PTPRD: variants seen among roughly 807,000 people sequenced by gnomAD.
The protein encoded by PTPRD is receptor-type tyrosine-protein phosphatase delta.
In PTPRD, 34 loss-of-function variants were observed where a neutral mutation model predicts 214.5. The observed-to-expected ratio is 0.16, with a 90% CI of 0.12 to 0.21. PTPRD has a LOEUF of 0.21. Among genes scored for constraint, PTPRD ranks in the 10% least tolerant of loss-of-function variants. The probability of loss-of-function intolerance (pLI) is 1.00; values close to 1 mark genes in which losing one functional copy is unlikely to be tolerated. For synonymous variants in PTPRD, 1,128 were observed against 845.7 expected, an observed-to-expected ratio of 1.33 and a Z score of -5.79; for missense variants, 2,545 against 2,398.7, an observed-to-expected ratio of 1.06 and a Z score of -1.27.
intron 4 of PTPRD, among the ~76,000 whole-genome samples, chr9:10,019,798 G>A (rs1194336534): frequency 6.6e-6 from 1 of 151,964 alleles, no homozygotes; most frequent in African/African-American, 2.4e-5. Context: ...GGAGCTGGGA[G>A]GGATAGCATT....
At chr9:9,240,758 T>C (rs2099969976) in intron 9 of PTPRD, among the ~76,000 whole-genome samples, 1 of 152,196 alleles carries the variant, frequency 6.6e-6, no homozygotes, top group African/African-American at 2.4e-5. Context: ...TAGAAGTCTA[T>C]ACTTCTAATA....
intron 3 of PTPRD, among the ~76,000 whole-genome samples, chr9:10,136,418 C>T (rs914736822): frequency 2.6e-5 from 4 of 152,052 alleles, no homozygotes; most frequent in South Asian, 2.1e-4. Context: ...ACCTAACAAC[C>T]GCAAAGTACA....
chr9:8,981,781 T>C (rs982533532), intron 11 of PTPRD, among the ~76,000 whole-genome samples: 4 of 151,976 alleles, frequency 2.6e-5, no homozygotes, highest in Non-Finnish European at 4.4e-5. Context: ...CAAAATACTA[T>C]GCAAAAAGGC....
intron 9 of PTPRD, among the ~76,000 whole-genome samples, chr9:9,370,104 C>T (rs369266868): frequency 3.3e-5 from 5 of 151,716 alleles, no homozygotes; most frequent in African/African-American, 9.7e-5. Flanking sequence ...GCTCTTTTTT[C>T]GTTCCATATG....
intron 2 of PTPRD, among the ~76,000 whole-genome samples, chr9:10,552,511 C>G (rs544074143): frequency 6.2e-4 from 94 of 152,090 alleles, no homozygotes; most frequent in African/African-American, 2.1e-3. Context: ...TGTCTTGACC[C>G]TTTTGTTAAG....
intron 11 of PTPRD, among the ~76,000 whole-genome samples, chr9:8,839,369 A>T (rs1377666563): frequency 1.3e-5 from 2 of 152,080 alleles, no homozygotes; most frequent in Non-Finnish European, 2.9e-5. Flanking sequence ...TCTGTCACCC[A>T]GGCTGGAGCG....
At chr9:8,733,651 G>C (rs1598290898) in intron 12 of PTPRD, 129 bp downstream of exon 12, 4 of 918,098 alleles carry the variant, frequency 4.4e-6, no homozygotes, top group Non-Finnish European at 6.8e-6. Flanking sequence ...GGTAGCCAAG[G>C]AGGATCCCGC....
chr9:9,806,311 G>A (rs1013530461), intron 5 of PTPRD, among the ~76,000 whole-genome samples: 6 of 151,998 alleles, frequency 3.9e-5, no homozygotes, highest in African/African-American at 1.5e-4. Context: ...TAGAAAACAC[G>A]TGAAGCTGGT....
At chr9:10,598,718 G>C (rs1172637847) in intron 2 of PTPRD, among the ~76,000 whole-genome samples, 2 of 142,588 alleles carry the variant, frequency 1.4e-5, no homozygotes, top group Non-Finnish European at 3.1e-5. Flanking sequence ...TGTGGTGTGT[G>C]TGTGTGTGTG....
chr9:10,113,968 T>C (rs1268495861), intron 3 of PTPRD, among the ~76,000 whole-genome samples: 1 of 152,168 alleles, frequency 6.6e-6, no homozygotes, highest in African/African-American at 2.4e-5. Context: ...AAATGAAAAT[T>C]CCAGTGTCTA....
intron 7 of PTPRD, among the ~76,000 whole-genome samples, chr9:9,593,531 A>T (rs554399956): frequency 2.2e-3 from 340 of 152,138 alleles, no homozygotes; most frequent in African/African-American, 7.7e-3. Flanking sequence ...AACTCCTGAT[A>T]AAAAATGTTA....
At chr9:9,577,075 G>A (rs1299125176) in intron 7 of PTPRD, among the ~76,000 whole-genome samples, 1 of 152,046 alleles carries the variant, frequency 6.6e-6, no homozygotes, top group Non-Finnish European at 1.5e-5. Context: ...GTAAGTCATG[G>A]CTCATACTTA....
In PTPRD at chr9:8,486,164, T is replaced by G; in HGVS notation, c.2653A>C (p.Ile885Leu). 6.2e-7 allele frequency: 1 copy of G among 1,614,206 alleles called. No homozygotes were observed. The highest frequency in any genetic ancestry group is 8.5e-7 in the Non-Finnish European group (1 of 1,180,030). The part of the protein sequence containing the change: ...EKEDHFTATD[I>L]HKGASYVFRL... ...AAGACGTATGATGCTCCCTTGTGGATGTCTGTAGCTGTAAAGTGATCTTCT... is the reference window on the plus strand; with the variant it reads ...AAGACGTATGATGCTCCCTTGTGGAGGTCTGTAGCTGTAAAGTGATCTTCT... The change falls in exon 28 of 46, where the codon ATC becomes CTC. Residue 885 changes from isoleucine to leucine, a missense_variant. By Grantham distance (5) the Ile-to-Leu change is conservative (BLOSUM62 2). Coordinates refer to ENST00000381196, the MANE Select transcript of PTPRD (RefSeq NM_002839.4).
chr9:9,226,433 G>C (rs60847263), intron 9 of PTPRD, among the ~76,000 whole-genome samples: 14,874 of 151,818 alleles, frequency 0.098, 952 homozygotes, highest in African/African-American at 0.18. Context: ...TATTATTATT[G>C]ATGATACCAA....
At chr9:10,537,260 A>G (rs1487152599) in intron 2 of PTPRD, among the ~76,000 whole-genome samples, 1 of 152,184 alleles carries the variant, frequency 6.6e-6, no homozygotes, top group African/African-American at 2.4e-5. Flanking sequence ...TCTAGAGCTG[A>G]CATGATATCT....
At chr9:9,277,314 T>C (rs1378216812) in intron 9 of PTPRD, among the ~76,000 whole-genome samples, 1 of 151,364 alleles carries the variant, frequency 6.6e-6, no homozygotes, top group Admixed American at 6.6e-5. Context: ...ATTTAACATT[T>C]TTAGGAAGCT....
intron 6 of PTPRD, among the ~76,000 whole-genome samples, chr9:9,738,599 G>A (rs2761732): frequency 0.5 from 75,414 of 151,316 alleles, 22,428 homozygotes; most frequent in African/African-American, 0.83. Flanking sequence ...CCACCATCAC[G>A]CCTGACTAAT....
At chr9:9,539,597 C>T (rs961558277) in intron 8 of PTPRD, among the ~76,000 whole-genome samples, 2 of 151,768 alleles carry the variant, frequency 1.3e-5, no homozygotes, top group African/African-American at 4.8e-5. Flanking sequence ...TAAAAGTGTT[C>T]ATCCAGTTAA....
At chr9:8,483,791 AAAACAAAAACAAAAAC>A (rs976063845) in intron 30 of PTPRD, among the ~76,000 whole-genome samples, 4 of 139,874 alleles carry the variant, frequency 2.9e-5, no homozygotes, top group Non-Finnish European at 4.7e-5. Flanking sequence ...AACAAAAACA[AAAACAAAAACAAAAAC>A]AAACAAACAA....
Sources: gnomAD v4.1 joint callset for allele counts (sites outside exome capture counted in the v4.1 genomes callset) on GRCh38, gnomAD v4.1.1 for gene constraint, MANE v1.5 for transcripts, NCBI Gene and HGNC (gene_info 2026-07-23, HGNC 2026-07-21) for gene names.